REXO1: variants seen among roughly 807,000 people sequenced by gnomAD.
The protein encoded by REXO1 is RNA exonuclease 1 homolog, also known as REX1, RNA exonuclease 1 homolog.
Under a neutral mutation model 102.6 loss-of-function variants are expected in REXO1, and 42 were observed. That is an observed-to-expected ratio of 0.41 (90% CI 0.32 to 0.53). The LOEUF (loss-of-function observed/expected upper bound fraction) is 0.53, where lower values mean the gene tolerates loss of function less well. Ranked by LOEUF, REXO1 falls within the 20% of genes least tolerant of loss-of-function variation. The pLI is 0.27. For missense variants in REXO1, 1,819 were observed against 1,732.5 expected (o/e 1.05, Z -0.89); for synonymous variants, 908 against 779.1 (o/e 1.17, Z -2.76).
In REXO1 at chr19:1,828,064, GC is replaced by G; in HGVS notation, c.724del (p.Ala242ProfsTer251). The G allele has an allele frequency of 1.2e-6, 2 of 1,613,210 alleles. No individual in the cohort carries two copies. The highest frequency in any genetic ancestry group is 1.7e-6 in the Non-Finnish European group (2 of 1,179,844). On this transcript the variant is annotated frameshift_variant, in exon 2 of 16. Transcript: ENST00000170168. LOFTEE classifies it high-confidence loss of function. Reference protein sequence around the residue: ...LEYDPLSNYSARHLSRASSRD... With the variant: ...LEYDPLSNYSXRHLSRASSRD... ...GGAGCTGGCCCTGCTGAGGTGCCGGGCCGAGTAGTTGGAGAGAGGGTCATAC... is the reference window on the plus strand; with the variant it reads ...GGAGCTGGCCCTGCTGAGGTGCCGGGCGAGTAGTTGGAGAGAGGGTCATAC...
Position 1,815,685 on chromosome 19 carries a change from C to A in REXO1, c.*381G>T, listed in dbSNP as rs911707987. 2 of 1,316,208 alleles carry A rather than the reference C, an allele frequency of 1.5e-6. No individual in the cohort carries two copies. The highest frequency in any genetic ancestry group is 3.0e-5 in the African/African-American group (2 of 66,982). 81.5% of individuals were successfully genotyped at this position (1,316,208 alleles called of 1,614,324 possible). On this transcript the variant is annotated 3_prime_UTR_variant, in exon 16 of 16. Transcript: ENST00000170168. The surrounding 1 kb of genome is among the most constrained non-coding windows in gnomAD (Gnocchi z 4.0). ...CAAAATAAAAAAAGACTGTCTCAAA[C>A]AAACCTGGGACAAGCCCGCCCCGCG...
chr19:1,827,167 G>GAGGGCC lies in REXO1; in HGVS notation c.1616_1621dup (p.Trp539_Pro540dup), dbSNP rs1181046693. The stretch of plus-strand genomic sequence containing the variant: ...GTCCGAGCTGAGGCTGGGGAGGGCA[G>GAGGGCC]AGGGCCACACGCTCGGCACCCCTGG... On this transcript the variant is annotated inframe_insertion, in exon 2 of 16. Transcript: ENST00000170168. 6.5e-7 allele frequency: 1 copy of GAGGGCC among 1,541,680 alleles called. No individual in the cohort carries two copies.
intron 5 of REXO1, among the ~76,000 whole-genome samples, chr19:1,820,798 G>A (rs2069511488): frequency 6.6e-6 from 1 of 151,338 alleles, no homozygotes; most frequent in Middle Eastern, 3.2e-3. Flanking sequence ...TTCAAGATCA[G>A]CCTGGACAAC....
chr19:1,821,396 T>C (rs2069534912), intron 5 of REXO1, 123 bp downstream of exon 5: 2 of 1,086,764 alleles, frequency 1.8e-6, no homozygotes, highest in African/African-American at 1.6e-5. Flanking sequence ...AAGGCTGTAC[T>C]GCGGTGTGGA....
intron 1 of REXO1, among the ~76,000 whole-genome samples, chr19:1,838,590 G>C (rs10402394): frequency 1.5e-3 from 233 of 151,148 alleles, no homozygotes; most frequent in African/African-American, 5.2e-3. Flanking sequence ...GTTTGAACTC[G>C]GGAGGCGGAC....
chr19:1,819,789 A>T, intron 7 of REXO1, 145 bp downstream of exon 7: 1 of 879,514 alleles, frequency 1.1e-6, no homozygotes, highest in Non-Finnish European at 1.6e-6. Flanking sequence ...ACCAGGCAGC[A>T]GGCAGCCCCC....
At chr19:1,839,649 T>C (rs2011204736) in intron 1 of REXO1, among the ~76,000 whole-genome samples, 2 of 152,230 alleles carry the variant, frequency 1.3e-5, no homozygotes, top group Admixed American at 1.3e-4. Flanking sequence ...CTCCAGCACA[T>C]GTTCTCTGAA....
Position 1,819,149 on chromosome 19 carries a change from A to C in REXO1, c.2651-18T>G, listed in dbSNP as rs541024747. On this transcript the variant is annotated intron_variant, in intron 7 of 15. Coordinates refer to ENST00000170168, the MANE Select transcript of REXO1 (RefSeq NM_020695.4). ...ACTGGTTTCTGGAAGGAAGGGAGGG[A>C]GGGGAGGAGGGTGTGAAGTAGCTGG... 2.5e-4 allele frequency: 388 copies of C among 1,536,858 alleles called. 6 individuals are homozygous for C. The South Asian group carries it at 4.5e-3, about 18-fold the overall frequency.
At position 1,818,796 on chromosome 19, in the gene REXO1, G is replaced by C. The variant is rs2069446924; in HGVS notation, c.2812C>G (p.Gln938Glu). The C allele has an allele frequency of 6.2e-7, 1 of 1,609,708 alleles. No homozygotes were observed. The highest frequency in any genetic ancestry group is 2.2e-5 in the East Asian group (1 of 44,872). The part of the protein sequence containing the change: ...RLREYLLTQD[Q>E]LKENGYPFPH... ...AAGGGGTAGCCGTTCTCCTTGAGCT[G>C]GTCCTGGGTGAGCAGGTACTCCCTG... is the stretch of plus-strand genomic sequence containing the variant. Residue 938 changes from glutamine (Q) to glutamate (E), a missense_variant, in exon 9 of 16, where the codon CAG becomes GAG. Gln to Glu is a conservative substitution (Grantham distance 29, BLOSUM62 2). Transcript: ENST00000170168.
At chr19:1,817,516 A>G (rs2069405817) in intron 11 of REXO1, 187 bp from the exon 12 acceptor site, 1 of 1,464,180 alleles carries the variant, frequency 6.8e-7, no homozygotes, top group Non-Finnish European at 9.0e-7. Context: ...ACGGCTTCCC[A>G]GGATGGGAAG....
intron 1 of REXO1, among the ~76,000 whole-genome samples, chr19:1,834,558 C>T (rs1381207155): frequency 2.0e-5 from 3 of 152,206 alleles, no homozygotes; most frequent in Admixed American, 2.0e-4. Context: ...GGACCACCTG[C>T]GTGCACCACC....
intron 5 of REXO1, 109 bp from the exon 6 acceptor site, chr19:1,820,504 G>A (rs2069502362): frequency 6.9e-6 from 9 of 1,300,038 alleles, no homozygotes; most frequent in South Asian, 1.3e-5. Context: ...AGTGAGGTGC[G>A]CTGGGACAGA....
chr19:1,839,521 C>T (rs780729612), intron 1 of REXO1, among the ~76,000 whole-genome samples: 2 of 152,252 alleles, frequency 1.3e-5, no homozygotes, highest in Non-Finnish European at 2.9e-5. Flanking sequence ...GAGGAACCCA[C>T]ACACCAGGGT....
chr19:1,838,317 CAA>C (rs532397234), intron 1 of REXO1, among the ~76,000 whole-genome samples: 10 of 82,018 alleles, frequency 1.2e-4, no homozygotes, highest in Admixed American at 2.8e-4. Flanking sequence ...AACTCCATCT[CAA>C]AAAAAAAAAA....
chr19:1,818,384 C>A (rs2069432416), intron 10 of REXO1, 98 bp downstream of exon 10: 2 of 894,660 alleles, frequency 2.2e-6, no homozygotes, highest in Admixed American at 2.4e-5. Context: ...GGATGGAGGG[C>A]CTGGGTAAAG....
chr19:1,843,988 T>A (rs2011420991), intron 1 of REXO1, among the ~76,000 whole-genome samples: 1 of 152,204 alleles, frequency 6.6e-6, no homozygotes, highest in Non-Finnish European at 1.5e-5. Context: ...CCTCAGAGTT[T>A]CCGAGGAGAG....
In REXO1 at chr19:1,818,600, G is replaced by C; in HGVS notation, c.2903-5C>G. The stretch of plus-strand genomic sequence containing the variant: ...GGCAGCAGGTCCTGCAGGAAGCTGT[G>C]GGTGGGGACCCAGGTGGAAGCTGAG... On this transcript the variant is annotated splice_region_variant and splice_polypyrimidine_tract_variant and intron_variant, in intron 9 of 15. Coordinates refer to ENST00000170168, the MANE Select transcript of REXO1 (RefSeq NM_020695.4). 1 of 1,609,104 alleles carries C rather than the reference G, an allele frequency of 6.2e-7. No individual in the cohort carries two copies. The highest frequency in any genetic ancestry group is 8.5e-7 in the Non-Finnish European group (1 of 1,178,560).
chr19:1,827,647 G>GT lies in REXO1; in HGVS notation c.1141dup (p.Thr381AsnfsTer72). On this transcript the variant is annotated frameshift_variant, in exon 2 of 16. Transcript: ENST00000170168. LOFTEE classifies it high-confidence loss of function. ...GCAGCTGGGGGCAGGTGGGGCCCCG[G>GT]TTTTTTTCTTCTTGGGTTTTCCCTC... The GT allele has an allele frequency of 6.4e-7, 1 of 1,570,114 alleles. No individual in the cohort carries two copies. The highest frequency in any genetic ancestry group is 8.5e-7 in the Non-Finnish European group (1 of 1,171,830).
intron 1 of REXO1, among the ~76,000 whole-genome samples, chr19:1,839,322 G>A (rs919351303): frequency 2.6e-5 from 4 of 151,794 alleles, no homozygotes; most frequent in Non-Finnish European, 5.9e-5. Flanking sequence ...GTCCCCAAAG[G>A]ACATTTCCCA....
Sources: gnomAD v4.1 joint callset for allele counts (sites outside exome capture counted in the v4.1 genomes callset) on GRCh38, gnomAD v4.1.1 for gene constraint, Gnocchi (gnomAD v3.1) non-coding constraint, MANE v1.5 for transcripts, NCBI Gene and HGNC (gene_info 2026-07-23, HGNC 2026-07-21) for gene names.